ARHGAP17: variants seen among roughly 807,000 people sequenced by gnomAD.
ARHGAP17 encodes the protein rho GTPase-activating protein 17.
Under a neutral mutation model 99.5 loss-of-function variants are expected in ARHGAP17, and 57 were observed. The observed-to-expected ratio is 0.57, with a 90% CI of 0.46 to 0.71. The LOEUF (loss-of-function observed/expected upper bound fraction) is 0.71, where lower values mean the gene tolerates loss of function less well. ARHGAP17 is among the 30% of genes least tolerant of loss of function. The pLI is 0.00. For synonymous variants in ARHGAP17, 417 were observed against 429.6 expected (o/e 0.97, Z 0.36); for missense variants, 1,000 against 1,122.4 (o/e 0.89, Z 1.56).
intron 1 of ARHGAP17, among the ~76,000 whole-genome samples, chr16:25,003,768 A>G (rs1190006315): frequency 1.3e-5 from 2 of 151,910 alleles, no homozygotes; most frequent in African/African-American, 4.8e-5. Flanking sequence ...GGTTGCAGTG[A>G]GCTGAGACTG....
intron 8 of ARHGAP17, 50 bp from the exon 9 acceptor site, chr16:24,959,802 G>A: frequency 3.1e-6 from 5 of 1,606,094 alleles, no homozygotes; most frequent in Non-Finnish European, 4.3e-6. Context: ...GCATCGGATG[G>A]ACACACACAC....
At position 24,953,029 on chromosome 16, in the gene ARHGAP17, A is replaced by T; in HGVS notation, c.866T>A (p.Ile289Asn). 1 of 1,614,170 alleles carries T rather than the reference A, an allele frequency of 6.2e-7. No individual in the cohort carries two copies. The highest frequency in any genetic ancestry group is 2.2e-5 in the East Asian group (1 of 44,874). ...TGMKEEGLFRIGAGASKLKKL... is the reference protein window; with the variant it reads ...TGMKEEGLFRNGAGASKLKKL... ...CTTTAACTTGGAGGCCCCAGCCCCA[A>T]TTCGGAAAAGGCCCTAAAGATAATG... The change falls in exon 11 of 20, where the codon ATT (isoleucine) becomes AAT (asparagine). Residue 289 changes from isoleucine to asparagine, a missense_variant. This residue lies in a region of ARHGAP17 where 472 missense variants were observed against 611.1 expected (regional missense o/e 0.77). Coordinates refer to ENST00000289968, the MANE Select transcript of ARHGAP17 (RefSeq NM_001006634.3).
chr16:24,970,697 C>T lies in ARHGAP17; in HGVS notation c.199-117G>A, dbSNP rs1017697771. ...CCAGGCAAATTACACAGGTAGGAGA[C>T]AGCCTGTCTGGGTTCAGGTTCTGGT... On this transcript the variant is annotated intron_variant, in intron 3 of 19. Coordinates refer to ENST00000289968, the MANE Select transcript of ARHGAP17 (RefSeq NM_001006634.3). 7 of 902,432 alleles carry T rather than the reference C, an allele frequency of 7.8e-6. No homozygotes were observed. The African/African-American group carries it at 8.2e-5, about 11-fold the overall frequency. The allele number at this position is 902,432 out of a possible 1,614,324, so 55.9% of individuals were successfully genotyped here.
chr16:25,008,494 TACAA>T (rs1276381620), intron 1 of ARHGAP17, among the ~76,000 whole-genome samples: 1 of 152,096 alleles, frequency 6.6e-6, no homozygotes, highest in Admixed American at 6.5e-5. Flanking sequence ...TTTAAGAAAA[TACAA>T]ACACAGCGAA....
Position 24,953,048 on chromosome 16 carries a change from G to A in ARHGAP17, c.853-6C>T, listed in dbSNP as rs572878620. On this transcript the variant is annotated splice_polypyrimidine_tract_variant and splice_region_variant and intron_variant, in intron 10 of 19. Transcript: ENST00000289968. ...GCCCCAATTCGGAAAAGGCCCTAAA[G>A]ATAATGAAAAGCCATCAGCATCAAG... is the stretch of plus-strand genomic sequence containing the variant. 6 of 1,613,850 alleles carry A rather than the reference G, an allele frequency of 3.7e-6. No homozygotes were observed. The highest frequency in any genetic ancestry group is 5.1e-6 in the Non-Finnish European group (6 of 1,179,792).
At chr16:24,996,579 C>T (rs1204333975) in intron 1 of ARHGAP17, among the ~76,000 whole-genome samples, 1 of 152,106 alleles carries the variant, frequency 6.6e-6, no homozygotes, top group East Asian at 1.9e-4. Context: ...AAGGTGCCCT[C>T]CCTCTACCCC....
At chr16:24,948,336 C>T (rs4414498) in intron 13 of ARHGAP17, among the ~76,000 whole-genome samples, 5 of 152,122 alleles carry the variant, frequency 3.3e-5, no homozygotes, top group South Asian at 2.1e-4. Context: ...CTTACGTCTA[C>T]ATTAACTCTT....
intron 1 of ARHGAP17, among the ~76,000 whole-genome samples, chr16:24,989,815 T>A (rs2052983624): frequency 1.3e-5 from 2 of 152,010 alleles, no homozygotes; most frequent in South Asian, 4.2e-4. Context: ...AAAAATAACG[T>A]CATAAAAGTA....
At chr16:24,922,673 A>T (rs1233676445) in intron 19 of ARHGAP17, among the ~76,000 whole-genome samples, 1 of 149,400 alleles carries the variant, frequency 6.7e-6, no homozygotes, top group Non-Finnish European at 1.5e-5. Flanking sequence ...AGCTAACATT[A>T]AAAAAAAAAA....
intron 1 of ARHGAP17, among the ~76,000 whole-genome samples, chr16:24,994,890 C>T (rs983625885): frequency 6.6e-6 from 1 of 152,182 alleles, no homozygotes; most frequent in African/African-American, 2.4e-5. Flanking sequence ...TCTGTTCTCA[C>T]ATTGCTAATA....
intron 1 of ARHGAP17, among the ~76,000 whole-genome samples, chr16:24,980,968 GA>G (rs1335238805): frequency 6.6e-6 from 1 of 152,136 alleles, no homozygotes; most frequent in East Asian, 1.9e-4. Context: ...TTCAACCTGA[GA>G]ATCAGAACAA....
chr16:24,947,121 C>T (rs927636433), intron 14 of ARHGAP17, among the ~76,000 whole-genome samples: 3 of 152,174 alleles, frequency 2.0e-5, no homozygotes, highest in African/African-American at 7.2e-5. Flanking sequence ...ATTTAGTTCT[C>T]AGGCCCAGCC....
At chr16:25,001,086 TA>T (rs1420832706) in intron 1 of ARHGAP17, among the ~76,000 whole-genome samples, 5 of 152,222 alleles carry the variant, frequency 3.3e-5, no homozygotes, top group Non-Finnish European at 5.9e-5. Context: ...TATAAACATT[TA>T]TACAGCTACA....
intron 1 of ARHGAP17, among the ~76,000 whole-genome samples, chr16:25,004,281 G>T (rs1046872802): frequency 6.6e-6 from 1 of 152,156 alleles, no homozygotes; most frequent in African/African-American, 2.4e-5. Context: ...GTTTAAAAAT[G>T]ATTGCTCACG....
chr16:24,976,543 GAAAGA>G (rs2052521883), intron 3 of ARHGAP17, among the ~76,000 whole-genome samples: 1 of 150,066 alleles, frequency 6.7e-6, no homozygotes, highest in African/African-American at 2.5e-5. Flanking sequence ...GAAAAGAAAA[GAAAGA>G]GAAGAGAAGG....
At chr16:24,953,664 C>T (rs1242118222) in intron 10 of ARHGAP17, among the ~76,000 whole-genome samples, 1 of 152,188 alleles carries the variant, frequency 6.6e-6, no homozygotes, top group Non-Finnish European at 1.5e-5. Flanking sequence ...AACTGTGAGT[C>T]AGGTAAAGCT....
At chr16:24,978,538 T>C (rs1040104356) in intron 2 of ARHGAP17, among the ~76,000 whole-genome samples, 1 of 152,234 alleles carries the variant, frequency 6.6e-6, no homozygotes, top group Non-Finnish European at 1.5e-5. Context: ...AGACAGTCTC[T>C]GTGGCTTGCA....
intron 1 of ARHGAP17, among the ~76,000 whole-genome samples, chr16:24,983,419 A>C (rs574018714): frequency 6.6e-6 from 1 of 151,710 alleles, no homozygotes; most frequent in South Asian, 2.1e-4. Context: ...CTCCCACCTC[A>C]GCCTTCCAAG....
rs1469309688 is a variant in ARHGAP17 at position 25,015,098 on chromosome 16, G to A, written c.53+111C>T. 10 of 1,061,936 alleles carry A rather than the reference G, an allele frequency of 9.4e-6. No individual in the cohort carries two copies. The Admixed American group carries it at 3.9e-4, about 41-fold the overall frequency. 65.8% of individuals were successfully genotyped at this position (1,061,936 alleles called of 1,614,324 possible). A position where few individuals can be genotyped will look rare whatever the true frequency, so the allele number is the denominator to read the frequency against. On this transcript the variant is annotated intron_variant, in intron 1 of 19. Transcript: ENST00000289968. ...CGTGCCCCGCTGGTCTCGGGCAGGGGCTGCGGCCCAGCTCAGAGCCGCCGG... is the reference window on the plus strand; with the variant it reads ...CGTGCCCCGCTGGTCTCGGGCAGGGACTGCGGCCCAGCTCAGAGCCGCCGG...
Sources: gnomAD v4.1 joint callset for allele counts (sites outside exome capture counted in the v4.1 genomes callset) on GRCh38, gnomAD v4.1.1 for gene constraint, gnomAD v4.1.1 regional missense constraint, MANE v1.5 for transcripts, NCBI Gene and HGNC (gene_info 2026-07-23, HGNC 2026-07-21) for gene names.